The following PRIM2 variants were observed in gnomAD, a reference collection of about 807,000 sequenced individuals.
PRIM2 encodes the protein DNA primase subunit 2, also known as DNA primase large subunit.
A neutral mutation model predicts 67.3 loss-of-function variants in PRIM2; 39 were observed. That is an observed-to-expected ratio of 0.58 (90% CI 0.45 to 0.76). The LOEUF is 0.76. Ranked by LOEUF, PRIM2 falls within the 30% of genes least tolerant of loss-of-function variation. PRIM2 has a pLI of 0.00. For missense variants in PRIM2, 398 were observed against 598.7 expected (o/e 0.66, Z 3.50); for synonymous variants, 143 against 198.7 (o/e 0.72, Z 2.36).
chr6:57,262,178 A>G, the PRIM2 span, among the ~76,000 whole-genome samples: 1 of 152,044 alleles, frequency 6.6e-6, no homozygotes, highest in Non-Finnish European at 1.5e-5. Flanking sequence ...TCACTTACAG[A>G]GTTACTGGCT....
intron 12 of PRIM2, among the ~76,000 whole-genome samples, chr6:57,608,631 G>C (rs1776604121): frequency 6.6e-6 from 1 of 151,216 alleles, no homozygotes; most frequent in Non-Finnish European, 1.5e-5. Context: ...GGCAGAGGTG[G>C]AAGCCCAAGA....
intron 5 of PRIM2, among the ~76,000 whole-genome samples, chr6:57,333,360 C>A (rs1029189155): frequency 2.6e-5 from 4 of 152,036 alleles, no homozygotes; most frequent in African/African-American, 7.2e-5. Flanking sequence ...GCTTGCTGAA[C>A]CTTTTAGCTT....
intron 11 of PRIM2, among the ~76,000 whole-genome samples, chr6:57,601,568 A>G (rs1776467858): frequency 6.6e-6 from 1 of 152,158 alleles, no homozygotes; most frequent in South Asian, 2.1e-4. Context: ...TGAAATTAGA[A>G]TGTTCTAAGT....
At chr6:57,477,111 C>G (rs1319069705) in intron 7 of PRIM2, among the ~76,000 whole-genome samples, 1 of 152,168 alleles carries the variant, frequency 6.6e-6, no homozygotes, top group Non-Finnish European at 1.5e-5. Context: ...CCACTGCAGC[C>G]TCCTGAATAG....
chr6:57,335,166 C>T (rs543941924), intron 5 of PRIM2, among the ~76,000 whole-genome samples: 24 of 152,170 alleles, frequency 1.6e-4, no homozygotes, highest in East Asian at 1.2e-3. Context: ...GCTTAAAAAA[C>T]GGCGCACCAG....
chr6:57,609,767 CT>C, intron 12 of PRIM2, among the ~76,000 whole-genome samples: 1 of 152,208 alleles, frequency 6.6e-6, no homozygotes, highest in African/African-American at 2.4e-5. Context: ...TAAATAATAT[CT>C]TGCTTTTATT....
Position 57,380,008 on chromosome 6 carries a change from T to C in PRIM2, c.555+12T>C. On this transcript the variant is annotated intron_variant, in intron 6 of 13. Transcript: ENST00000615550. ...AGTCCATTTATAAGGTATGTAAACA[T>C]GTAAAATACTTCCTAGGTTTTGTTA... The C allele has an allele frequency of 6.5e-7, 1 of 1,540,988 alleles. No individual in the cohort carries two copies. Among genetic ancestry groups the C allele is most frequent in the Non-Finnish European group, 8.8e-7 (1 of 1,142,308 alleles).
intron 5 of PRIM2, among the ~76,000 whole-genome samples, chr6:57,366,289 G>A (rs1769356313): frequency 6.6e-6 from 1 of 152,158 alleles, no homozygotes; most frequent in Non-Finnish European, 1.5e-5. Flanking sequence ...TATAGGAAGT[G>A]CAGATAGGTT....
chr6:57,610,622 C>T (rs1314101241), intron 12 of PRIM2, among the ~76,000 whole-genome samples: 1 of 151,438 alleles, frequency 6.6e-6, no homozygotes, highest in African/African-American at 2.4e-5. Context: ...CTCTCCTCCC[C>T]GAAAAGAGAA....
intron 7 of PRIM2, among the ~76,000 whole-genome samples, chr6:57,387,994 G>A (rs1770205598): frequency 6.6e-6 from 1 of 151,912 alleles, no homozygotes; most frequent in African/African-American, 2.4e-5. Context: ...AGTCACTAAT[G>A]CAAAGGCCCC....
intron 12 of PRIM2, among the ~76,000 whole-genome samples, chr6:57,610,678 T>C (rs2127494148): frequency 6.6e-6 from 1 of 152,062 alleles, no homozygotes; most frequent in East Asian, 1.9e-4. Flanking sequence ...ATTATAAATA[T>C]TTATGCCCCA....
the PRIM2 span, among the ~76,000 whole-genome samples, chr6:57,292,269 T>C: frequency 6.6e-6 from 1 of 151,978 alleles, no homozygotes; most frequent in African/African-American, 2.4e-5. Flanking sequence ...GAATAAAATA[T>C]CTTGGAATAC....
intron 13 of PRIM2, among the ~76,000 whole-genome samples, chr6:57,632,821 C>A (rs1777058235): frequency 6.6e-6 from 1 of 152,206 alleles, no homozygotes; most frequent in African/African-American, 2.4e-5. Context: ...AATCCACTTC[C>A]CAAGTCTCAT....
chr6:57,325,898 T>C lies in PRIM2; in HGVS notation c.339-27T>C, dbSNP rs374811723. ...TAATAATTACTGGATTTTTAGTTTG[T>C]ACTCATAATTTCTGTCTTCATTTCA... On this transcript the variant is annotated intron_variant, in intron 4 of 13. Coordinates refer to ENST00000615550, the MANE Select transcript of PRIM2 (RefSeq NM_000947.5). 3.5e-4 allele frequency: 545 copies of C among 1,551,952 alleles called. 3 individuals carry two copies. In the Middle Eastern group the frequency reaches 4.6e-3, roughly 13 times the overall value.
chr6:57,450,540 A>C (rs1458823269), intron 7 of PRIM2, among the ~76,000 whole-genome samples: 95 of 152,304 alleles, frequency 6.2e-4, no homozygotes, highest in African/African-American at 2.3e-3. Context: ...AACAAATATT[A>C]AGTTCAGTAT....
At chr6:57,531,097 G>A (rs1774879172) in intron 8 of PRIM2, among the ~76,000 whole-genome samples, 1 of 152,206 alleles carries the variant, frequency 6.6e-6, no homozygotes, top group Non-Finnish European at 1.5e-5. Context: ...GCGTATATGT[G>A]GTTCAGCAGG....
chr6:57,348,189 GT>G (rs1486204423), intron 5 of PRIM2, among the ~76,000 whole-genome samples: 4 of 151,924 alleles, frequency 2.6e-5, no homozygotes, highest in Non-Finnish European at 5.9e-5. Flanking sequence ...CTAGCCCGTA[GT>G]TTTTCTATGC....
chr6:57,349,391 C>A (rs905943507), intron 5 of PRIM2, among the ~76,000 whole-genome samples: 3 of 150,772 alleles, frequency 2.0e-5, no homozygotes, highest in African/African-American at 7.3e-5. Flanking sequence ...TATCTAACTA[C>A]TTGATCATGT....
intron 5 of PRIM2, among the ~76,000 whole-genome samples, chr6:57,372,751 A>C (rs897215156): frequency 3.9e-5 from 6 of 152,160 alleles, no homozygotes; most frequent in African/African-American, 1.4e-4. Flanking sequence ...AATGGCCTCT[A>C]GCTCCATCCA....
Sources: allele counts gnomAD v4.1 joint callset (sites outside exome capture counted in the v4.1 genomes callset), GRCh38; gene constraint gnomAD v4.1.1; transcripts MANE v1.5; gene names NCBI Gene and HGNC (gene_info 2026-07-23, HGNC 2026-07-21).